ADPRHL1: variants seen among roughly 807,000 people sequenced by gnomAD.
The protein encoded by ADPRHL1 is inactive ADP-ribosyltransferase ARH2.
A neutral mutation model predicts 44.1 loss-of-function variants in ADPRHL1; 43 were observed. The ratio of observed to expected loss-of-function variants is 0.98; its 90% CI spans 0.76 to 1.26. The LOEUF is 1.26. Ranked by LOEUF, ADPRHL1 falls within the 50% of genes most tolerant of loss-of-function variation. The pLI, the probability that ADPRHL1 is intolerant of heterozygous loss-of-function variation, is 0.00. For missense variants in ADPRHL1, 2,022 were observed against 2,496.9 expected (o/e 0.81, Z 4.05); for synonymous variants, 878 against 1,017.4 (o/e 0.86, Z 2.61).
chr13:113,439,997 C>A (rs7995621), intron 2 of ADPRHL1, among the ~76,000 whole-genome samples: 152,048 of 152,346 alleles, frequency 1, 75,875 homozygotes, highest in Non-Finnish European at 1. Context: ...CTAGAGGATT[C>A]TCAATTGTTT....
intron 7 of ADPRHL1, among the ~76,000 whole-genome samples, chr13:113,418,091 G>C (rs1432776027): frequency 6.6e-6 from 1 of 152,194 alleles, no homozygotes; most frequent in Non-Finnish European, 1.5e-5. Flanking sequence ...TAGGGGAAGG[G>C]GAGAAGGCTT....
chr13:113,442,772 C>T (rs772846570), intron 2 of ADPRHL1, among the ~76,000 whole-genome samples: 20 of 152,146 alleles, frequency 1.3e-4, no homozygotes, highest in Non-Finnish European at 2.2e-4. Flanking sequence ...AATTATTTCT[C>T]CAAGTATTTA....
chr13:113,417,393 C>T (rs1245420096), intron 7 of ADPRHL1, among the ~76,000 whole-genome samples: 1 of 152,240 alleles, frequency 6.6e-6, no homozygotes, highest in Non-Finnish European at 1.5e-5. Flanking sequence ...CAGGGCCACA[C>T]GATGGTTCAG....
rs762504305 is a variant in ADPRHL1 at position 113,453,410 on chromosome 13, G to A, written c.28C>T (p.Leu10=). 2 of 1,614,012 alleles carry A rather than the reference G, an allele frequency of 1.2e-6. No individual in the cohort carries two copies. The highest frequency in any genetic ancestry group is 2.7e-5 in the African/African-American group (2 of 74,920). The part of the protein sequence containing the change: MEKFKAAML[L]GSVGDALGYR... Reference sequence around the variant, plus strand: ...CCAAGAGCATCGCCGACGCTCCCCAGCAACATCGCAGCCTTAAATTTCTCC... The same window carrying A: ...CCAAGAGCATCGCCGACGCTCCCCAACAACATCGCAGCCTTAAATTTCTCC... The change falls in exon 1 of 8, where the codon CTG becomes TTG. Residue 10 remains leucine, a synonymous_variant. Coordinates refer to ENST00000612156, the MANE Select transcript of ADPRHL1 (RefSeq NM_001394807.1). This position sits in a 1 kb window ranked among gnomAD's most constrained non-coding sequence, Gnocchi z 5.4.
At chr13:113,412,052 C>T (rs1404292963) in intron 7 of ADPRHL1, among the ~76,000 whole-genome samples, 4 of 152,302 alleles carry the variant, frequency 2.6e-5, no homozygotes, top group African/African-American at 7.2e-5. Context: ...TTCCTTCTTC[C>T]GGGGTCTACT....
intron 2 of ADPRHL1, among the ~76,000 whole-genome samples, chr13:113,439,237 C>T (rs1430291399): frequency 1.3e-5 from 2 of 151,560 alleles, no homozygotes; most frequent in Non-Finnish European, 2.9e-5. Flanking sequence ...ATTCTTGTGC[C>T]TCAGCCTCCT....
chr13:113,442,814 G>A (rs1241545457), intron 2 of ADPRHL1, among the ~76,000 whole-genome samples: 4 of 152,172 alleles, frequency 2.6e-5, no homozygotes, highest in Non-Finnish European at 5.9e-5. Flanking sequence ...TGCTGAGGAC[G>A]CAGACACATG....
Position 113,409,068 on chromosome 13 carries a change from C to T in ADPRHL1, c.1062-848G>A, listed in dbSNP as rs78307264. ...AGGAGCCACTGAGGCTGGGGGCTGC[C>T]GCCCTTTCCCAGTGAGATGTTTTTC... On this transcript the variant is annotated intron_variant, in intron 7 of 7. Transcript: ENST00000612156. This position sits in a 1 kb window ranked among gnomAD's most constrained non-coding sequence, Gnocchi z 4.2. 0.05 allele frequency among the ~76,000 whole-genome samples: 7,542 copies of T among 152,298 alleles called. 342 individuals are homozygous for T. The highest frequency in any genetic ancestry group is 0.12 in the African/African-American group (5,038 of 41,530).
At chr13:113,411,085 C>A (rs954657428) in intron 7 of ADPRHL1, among the ~76,000 whole-genome samples, 1 of 152,162 alleles carries the variant, frequency 6.6e-6, no homozygotes, top group Admixed American at 6.5e-5. Context: ...TGAATAAAGG[C>A]CACCAGGCTC....
chr13:113,412,752 C>T (rs1238648017), intron 7 of ADPRHL1, among the ~76,000 whole-genome samples: 5 of 149,212 alleles, frequency 3.4e-5, no homozygotes, highest in African/African-American at 5.0e-5. Context: ...CCGCGGAGCT[C>T]GGTTCACCCA....
chr13:113,425,215 GCATCCAT>G (rs1168144041), intron 4 of ADPRHL1, 36 bp from the exon 5 acceptor site: 1 of 1,219,194 alleles, frequency 8.2e-7, no homozygotes, highest in Admixed American at 2.3e-5. Flanking sequence ...GAACACAATG[GCATCCAT>G]GGAGTGGGGC....
intron 7 of ADPRHL1, among the ~76,000 whole-genome samples, chr13:113,411,144 C>T (rs2043849876): frequency 6.6e-6 from 1 of 152,210 alleles, no homozygotes; most frequent in Non-Finnish European, 1.5e-5. Context: ...TCGCTGATGG[C>T]TTCTGAGCCC....
At chr13:113,444,695 A>AGTTTG in intron 1 of ADPRHL1, 106 bp from the exon 2 acceptor site, 1 of 1,364,100 alleles carries the variant, frequency 7.3e-7, no homozygotes, top group Non-Finnish European at 1.0e-6. Context: ...GGGAGGGCAG[A>AGTTTG]CACTGCAAAC....
At chr13:113,421,552 G>T (rs374738881) in intron 7 of ADPRHL1, among the ~76,000 whole-genome samples, 42 of 152,282 alleles carry the variant, frequency 2.8e-4, no homozygotes, top group African/African-American at 9.4e-4. Flanking sequence ...AAGGGGAGGC[G>T]GCCGGGGAGT....
chr13:113,449,379 C>G (rs1300304084), intron 1 of ADPRHL1: 2 of 263,452 alleles, frequency 7.6e-6, no homozygotes, highest in African/African-American at 4.7e-5. Flanking sequence ...AGGAGGGACC[C>G]TGTTCAGAGA....
chr13:113,419,941 C>A (rs2043906981), intron 7 of ADPRHL1, among the ~76,000 whole-genome samples: 1 of 151,726 alleles, frequency 6.6e-6, no homozygotes, highest in Non-Finnish European at 1.5e-5. Context: ...GGGAGGAGAG[C>A]ATGGCCTTGT....
intron 7 of ADPRHL1, among the ~76,000 whole-genome samples, chr13:113,413,387 A>C (rs2043869967): frequency 6.6e-6 from 1 of 152,120 alleles, no homozygotes; most frequent in African/African-American, 2.4e-5. Context: ...CAGCTCTGTG[A>C]GCCCCACGGT....
chr13:113,435,328 A>AAC (rs2044044889), intron 2 of ADPRHL1, among the ~76,000 whole-genome samples: 1 of 115,772 alleles, frequency 8.6e-6, no homozygotes, highest in African/African-American at 3.5e-5. Context: ...GCGTAGAGTG[A>AAC]ATATAGGTGT....
rs543911341 is a variant in ADPRHL1, at chr13:113,441,962, C to A, written c.379+2463G>T. Among the ~76,000 whole-genome samples the A allele has an allele frequency of 1.3e-5, 2 of 152,244 alleles. No individual in the cohort carries two copies. Among genetic ancestry groups the A allele is most frequent in the Non-Finnish European group, 2.9e-5 (2 of 68,040 alleles). On this transcript the variant is annotated intron_variant, in intron 2 of 7. Transcript: ENST00000612156. This position sits in a 1 kb window ranked among gnomAD's most constrained non-coding sequence, Gnocchi z 6.0. The stretch of plus-strand genomic sequence containing the variant: ...GTCTCTGTCACGTTGTGTCCCGCCA[C>A]GCGGCGTCCGCGTCTCTATCACGCT...
Sources: gnomAD v4.1 joint callset for allele counts (sites outside exome capture counted in the v4.1 genomes callset) on GRCh38, gnomAD v4.1.1 for gene constraint, Gnocchi (gnomAD v3.1) non-coding constraint, MANE v1.5 for transcripts, NCBI Gene and HGNC (gene_info 2026-07-23, HGNC 2026-07-21) for gene names.